The following ERCC3 variants were observed in gnomAD, a reference collection of about 807,000 sequenced individuals.
ERCC3 encodes ERCC excision repair 3, TFIIH core complex helicase subunit.
In ERCC3, 66 loss-of-function variants were observed where a neutral mutation model predicts 94.2. That is an observed-to-expected ratio of 0.70 (90% CI 0.57 to 0.86). The LOEUF is 0.86. Among genes scored for constraint, ERCC3 ranks in the 40% least tolerant of loss-of-function variants. ERCC3 has a pLI of 0.00. For synonymous variants in ERCC3, 349 were observed against 369.1 expected, an observed-to-expected ratio of 0.95 and a Z score of 0.63; for missense variants, 829 against 987.1, an observed-to-expected ratio of 0.84 and a Z score of 2.15.
At chr2:127,290,564 C>T in intron 3 of ERCC3, 1 of 477,822 alleles carries the variant, frequency 2.1e-6, no homozygotes, top group South Asian at 2.0e-5. Context: ...TTCCCACAGC[C>T]CCCACCCTAG....
chr2:127,293,908 C>T lies in ERCC3; in HGVS notation c.28+146G>A, dbSNP rs1417981017. ...GGCTGCGCCCAGGTCCAGCATCTCT[C>T]CCGCCCAAAGGCCTGTCCCAACGGG... On this transcript the variant is annotated intron_variant, in intron 1 of 14. Transcript: ENST00000285398. The T allele has an allele frequency of 3.3e-6, 5 of 1,525,114 alleles. No homozygotes were observed. In the South Asian group the frequency reaches 4.9e-5, roughly 15 times the overall value. The allele number at this position is 1,525,114 out of a possible 1,614,324, so 94.5% of individuals were successfully genotyped here.
chr2:127,282,960 G>A lies in ERCC3; in HGVS notation c.1343-2329C>T, dbSNP rs370265510. On this transcript the variant is annotated intron_variant, in intron 8 of 14. Transcript: ENST00000285398. ...CGTGTACCAAACATATAGTCAGACA[G>A]AATGCCTCAAGCCCTGAACACAGCT... is the stretch of plus-strand genomic sequence containing the variant. 3.1e-4 allele frequency among the ~76,000 whole-genome samples: 47 copies of A among 152,240 alleles called. No individual in the cohort carries two copies. In the East Asian group the frequency reaches 7.5e-3, roughly 24 times the overall value.
In ERCC3 at chr2:127,279,217, A is replaced by C; in HGVS notation, c.1686T>G (p.Ala562=). ...ATTCCTTTAGGGCAAACACATTGTC[A>C]GCAAAGACAATAATCTTGTCATTCC... The part of the protein sequence containing the change: ...ERRNDKIIVF[A]DNVFALKEYA... The change falls in exon 10 of 15, where the codon GCT becomes GCG. Residue 562 remains alanine (A), a synonymous_variant. Coordinates refer to ENST00000285398, the MANE Select transcript of ERCC3 (RefSeq NM_000122.2). The surrounding 1 kb of genome is among the most constrained non-coding windows in gnomAD (Gnocchi z 4.7). 2 of 1,613,702 alleles carry C rather than the reference A, an allele frequency of 1.2e-6. No individual in the cohort carries two copies. Among genetic ancestry groups the C allele is most frequent in the Non-Finnish European group, 8.5e-7 (1 of 1,179,558 alleles).
chr2:127,257,547 C>T lies in ERCC3; in HGVS notation c.*49G>A, dbSNP rs766339532. The T allele has an allele frequency of 3.1e-6, 5 of 1,611,012 alleles. No individual in the cohort carries two copies. Among genetic ancestry groups the T allele is most frequent in the Non-Finnish European group, 4.2e-6 (5 of 1,178,848 alleles). The stretch of plus-strand genomic sequence containing the variant: ...AAATGTTATGCTGAAAATCCCTTTC[C>T]AACAAGGGTGCCAAGCGCCGGTCTT... On this transcript the variant is annotated 3_prime_UTR_variant, in exon 15 of 15. Transcript: ENST00000285398. This position sits in a 1 kb window ranked among gnomAD's most constrained non-coding sequence, Gnocchi z 5.4.
intron 8 of ERCC3, among the ~76,000 whole-genome samples, chr2:127,282,074 C>G (rs935162289): frequency 3.3e-5 from 5 of 152,184 alleles, no homozygotes; most frequent in African/African-American, 1.2e-4. Context: ...GTGAATAACT[C>G]ACAGCATACT....
intron 7 of ERCC3, among the ~76,000 whole-genome samples, 165 bp downstream of exon 7, chr2:127,288,495 C>G (rs1050055299): frequency 2.0e-5 from 3 of 152,220 alleles, no homozygotes; most frequent in Admixed American, 6.5e-5. Flanking sequence ...AGGGCCCATA[C>G]ACAGCAAGCA....
Position 127,269,277 on chromosome 2 carries a change from T to C in ERCC3, c.1945+2059A>G, listed in dbSNP as rs569633616. Among the ~76,000 whole-genome samples, 162 of 152,316 alleles carry C rather than the reference T, an allele frequency of 1.1e-3. No homozygotes were observed. In the Middle Eastern group the frequency reaches 0.014, roughly 13 times the overall value. On this transcript the variant is annotated intron_variant, in intron 12 of 14. Transcript: ENST00000285398. Reference sequence around the variant, plus strand: ...CAGGAAAATCTGAACATCTTTGCTTTGTAGTTCAAATGTCAGTAGGTTAAG... The same window carrying C: ...CAGGAAAATCTGAACATCTTTGCTTCGTAGTTCAAATGTCAGTAGGTTAAG...
In ERCC3 at chr2:127,265,718, T is replaced by C. The variant is rs537767718; in HGVS notation, c.1946-4372A>G. 3.0e-4 allele frequency among the ~76,000 whole-genome samples: 46 copies of C among 152,198 alleles called. 1 individual carries two copies. Among genetic ancestry groups the C allele is most frequent in the African/African-American group, 9.9e-4 (41 of 41,556 alleles). On this transcript the variant is annotated intron_variant, in intron 12 of 14. Coordinates refer to ENST00000285398, the MANE Select transcript of ERCC3 (RefSeq NM_000122.2). ...AGGCATGAGCCACTGCGACTGGCCT[T>C]ATCTATCTTTTCAAAGAACCAGCTT...
chr2:127,283,202 CAG>C (rs1684970475), intron 8 of ERCC3, among the ~76,000 whole-genome samples: 1 of 152,066 alleles, frequency 6.6e-6, no homozygotes, highest in African/African-American at 2.4e-5. Context: ...GCACCACAAT[CAG>C]GGTACAGATA....
At position 127,292,679 on chromosome 2, in the gene ERCC3, A is replaced by C; in HGVS notation, c.402T>G (p.Ser134Arg). Residue 134 changes from serine to arginine, a missense_variant, in exon 3 of 15, where the codon AGT (serine) becomes AGG (arginine). Transcript: ENST00000285398. The part of the protein sequence containing the change: ...YAAVSVGLQT[S>R]DITEYLRKLS... ...GCTTCCTGAGGTACTCGGTGATGTC[A>C]CTGGTTTGCAGCCCAACGCTGACAG... 1 of 1,614,212 alleles carries C rather than the reference A, an allele frequency of 6.2e-7. No individual in the cohort carries two copies. The highest frequency in any genetic ancestry group is 1.3e-5 in the African/African-American group (1 of 75,072).
rs4150432 is a variant in ERCC3 at position 127,284,565 on chromosome 2, A to C, written c.1342+2138T>G. Among the ~76,000 whole-genome samples, 37 of 152,360 alleles carry C rather than the reference A, an allele frequency of 2.4e-4. No homozygotes were observed. The South Asian group carries it at 7.7e-3, about 32-fold the overall frequency. ...GGGCTGAAGAGCTCTCATGCACAGA[A>C]AGAACCAGATGCTGGGGCCATTTTG... is the stretch of plus-strand genomic sequence containing the variant. On this transcript the variant is annotated intron_variant, in intron 8 of 14. Coordinates refer to ENST00000285398, the MANE Select transcript of ERCC3 (RefSeq NM_000122.2). The surrounding 1 kb of genome is among the most constrained non-coding windows in gnomAD (Gnocchi z 4.1).
In ERCC3 at chr2:127,257,812, A is replaced by G. The variant is rs1684065936; in HGVS notation, c.2218-85T>C. 3.5e-6 allele frequency: 5 copies of G among 1,436,552 alleles called. No individual in the cohort carries two copies. Among genetic ancestry groups the G allele is most frequent in the Non-Finnish European group, 3.9e-6 (4 of 1,026,536 alleles). The allele number at this position is 1,436,552 out of a possible 1,614,324, so 89.0% of individuals were successfully genotyped here. ...AATACTTATAATCACAGCAAATTTT[A>G]TAAGACTTACATAAATTTAATACAT... On this transcript the variant is annotated intron_variant, in intron 14 of 14. Coordinates refer to ENST00000285398, the MANE Select transcript of ERCC3 (RefSeq NM_000122.2). The surrounding 1 kb of genome is among the most constrained non-coding windows in gnomAD (Gnocchi z 5.4).
chr2:127,262,130 C>T (rs189456228), intron 12 of ERCC3: 9 of 152,376 alleles, frequency 5.9e-5, no homozygotes, highest in East Asian at 1.9e-4. Context: ...TCCATGGAAT[C>T]GAATATTATT....
At chr2:127,285,998 G>T (rs1438500368) in intron 8 of ERCC3, among the ~76,000 whole-genome samples, 2 of 151,404 alleles carry the variant, frequency 1.3e-5, no homozygotes, top group Non-Finnish European at 1.5e-5. Context: ...AAAAAGGTTT[G>T]CCCATGATAC....
At chr2:127,292,979 A>G (rs1198851541) in intron 2 of ERCC3, 133 bp from the exon 3 acceptor site, 1 of 702,298 alleles carries the variant, frequency 1.4e-6, no homozygotes, top group Non-Finnish European at 2.6e-6. Flanking sequence ...ACTCCTTCAG[A>G]CAACTGTGGG....
rs2104728055 is a variant in ERCC3, at chr2:127,259,015, C to A, written c.2217+281G>T. Among the ~76,000 whole-genome samples, 1 of 152,240 alleles carries A rather than the reference C, an allele frequency of 6.6e-6. No individual in the cohort carries two copies. The highest frequency in any genetic ancestry group is 2.4e-5 in the African/African-American group (1 of 41,552). On this transcript the variant is annotated intron_variant, in intron 14 of 14. Transcript: ENST00000285398. The surrounding 1 kb of genome is among the most constrained non-coding windows in gnomAD (Gnocchi z 4.9). ...CACCAAGGTGAGCTGGGGTCACCTG[C>A]TTGCCATCCTGGGCTTCAACATCAA...
chr2:127,267,445 T>C (rs1684410500), intron 12 of ERCC3, among the ~76,000 whole-genome samples: 1 of 151,984 alleles, frequency 6.6e-6, no homozygotes, highest in Non-Finnish European at 1.5e-5. Flanking sequence ...TTTTTTTTAT[T>C]TGTGTGATAG....
In ERCC3 at chr2:127,286,961, G is replaced by A; in HGVS notation, c.1084C>T (p.Leu362=). The change falls in exon 8 of 15, where the codon CTG becomes TTG. Residue 362 remains leucine, a synonymous_variant. Coordinates refer to ENST00000285398, the MANE Select transcript of ERCC3 (RefSeq NM_000122.2). ...TAACTVRKRC[L]VLGNSAVSVE... is the part of the protein sequence containing the mutation. ...GAAACAGCTGAGTTGCCCAGCACCAGACAGCGTTTTCTGACAGTGCATGCA... is the reference window on the plus strand; with the variant it reads ...GAAACAGCTGAGTTGCCCAGCACCAAACAGCGTTTTCTGACAGTGCATGCA... 6.2e-7 allele frequency: 1 copy of A among 1,614,102 alleles called. No homozygotes were observed. Among genetic ancestry groups the A allele is most frequent in the Non-Finnish European group, 8.5e-7 (1 of 1,180,024 alleles).
At chr2:127,261,492 C>T (rs1353309519) in intron 12 of ERCC3, 146 bp from the exon 13 acceptor site, 7 of 726,278 alleles carry the variant, frequency 9.6e-6, no homozygotes, top group East Asian at 5.0e-5. Context: ...CATGGGATTG[C>T]ATCAAAATTT....
Sources: allele counts gnomAD v4.1 joint callset (sites outside exome capture counted in the v4.1 genomes callset), GRCh38; gene constraint gnomAD v4.1.1; non-coding constraint Gnocchi (gnomAD v3.1); transcripts MANE v1.5; gene names NCBI Gene and HGNC (gene_info 2026-07-23, HGNC 2026-07-21).